COL28A1: variants seen among roughly 807,000 people sequenced by gnomAD.
COL28A1 encodes the protein collagen type XXVIII alpha 1 chain.
A neutral mutation model predicts 150.2 loss-of-function variants in COL28A1; 161 were observed. The observed-to-expected ratio is 1.07, with a 90% CI of 0.94 to 1.22. COL28A1 has a LOEUF of 1.22. COL28A1 is among the 50% of genes most tolerant of loss of function. The pLI is 0.00. For missense variants in COL28A1, 1,617 were observed against 1,388.3 expected, an observed-to-expected ratio of 1.16 and a Z score of -2.62; for synonymous variants, 552 against 469.7, an observed-to-expected ratio of 1.18 and a Z score of -2.26.
At chr7:7,477,247 G>C (rs1788971571) in intron 13 of COL28A1, 67 bp from the exon 14 acceptor site, 3 of 808,298 alleles carry the variant, frequency 3.7e-6, no homozygotes, top group Non-Finnish European at 6.5e-6. Flanking sequence ...TGATGAAAAA[G>C]AGGAAAGAGG....
At position 7,453,426 on chromosome 7, in the gene COL28A1, A is replaced by G. The variant is rs1786874714; in HGVS notation, c.1440+14T>C. ...TATAGATATATTAAACTCCGCTCTC[A>G]TTTACAAAGTTACCTTGGAACCAGG... On this transcript the variant is annotated intron_variant, in intron 17 of 34. Transcript: ENST00000399429. 4 of 1,081,660 alleles carry G rather than the reference A, an allele frequency of 3.7e-6. No individual in the cohort carries two copies. The highest frequency in any genetic ancestry group is 1.7e-5 in the Admixed American group (1 of 59,372). The allele number at this position is 1,081,660 out of a possible 1,614,324, so 67.0% of individuals were successfully genotyped here.
upstream of COL28A1, among the ~76,000 whole-genome samples, chr7:7,537,667 T>C (rs1782691732): frequency 2.0e-5 from 3 of 152,224 alleles, no homozygotes; most frequent in African/African-American, 2.4e-5. Flanking sequence ...GTGTTTTCAC[T>C]GTCTCCTCCT....
chr7:7,445,639 G>A (rs1196447792), intron 18 of COL28A1, among the ~76,000 whole-genome samples: 18 of 151,996 alleles, frequency 1.2e-4, no homozygotes, highest in African/African-American at 3.4e-4. Context: ...CCTTTAAAAT[G>A]TTCAGGAAAA....
At chr7:7,491,513 G>C (rs1265072399) in intron 11 of COL28A1, among the ~76,000 whole-genome samples, 1 of 152,212 alleles carries the variant, frequency 6.6e-6, no homozygotes, top group Non-Finnish European at 1.5e-5. Context: ...AACAGCAAGA[G>C]TTCTCATGAT....
At chr7:7,459,781 C>T (rs182785752) in intron 15 of COL28A1, among the ~76,000 whole-genome samples, 6 of 152,140 alleles carry the variant, frequency 3.9e-5, no homozygotes, top group South Asian at 4.1e-4. Flanking sequence ...GCAAGTAGGC[C>T]GTGGTGTCAA....
At chr7:7,380,250 G>A (rs960241184) in intron 30 of COL28A1, among the ~76,000 whole-genome samples, 3 of 152,100 alleles carry the variant, frequency 2.0e-5, no homozygotes, top group African/African-American at 4.8e-5. Context: ...TCAATTTTGT[G>A]ATTGCTGCTC....
At chr7:7,481,615 T>C (rs1436472676) in intron 13 of COL28A1, among the ~76,000 whole-genome samples, 1 of 151,776 alleles carries the variant, frequency 6.6e-6, no homozygotes, top group Non-Finnish European at 1.5e-5. Context: ...AATGAAGGAA[T>C]CTAATTATCA....
At chr7:7,528,731 C>A (rs1259690213) in intron 3 of COL28A1, among the ~76,000 whole-genome samples, 1 of 152,006 alleles carries the variant, frequency 6.6e-6, no homozygotes, top group Non-Finnish European at 1.5e-5. Context: ...AGCTCAGGAG[C>A]AAATGGGGTC....
At chr7:7,361,541 G>C (rs1475299235) in intron 33 of COL28A1, among the ~76,000 whole-genome samples, 1 of 152,118 alleles carries the variant, frequency 6.6e-6, no homozygotes, top group Non-Finnish European at 1.5e-5. Context: ...ATTCTAACTG[G>C]CATGAAATGG....
intron 12 of COL28A1, 73 bp from the exon 13 acceptor site, chr7:7,489,530 A>G: frequency 1.2e-6 from 1 of 842,748 alleles, no homozygotes; most frequent in South Asian, 1.4e-5. Context: ...AAGTTCTCTC[A>G]AGATTTCAAC....
At chr7:7,519,525 G>A (rs542301171) in intron 6 of COL28A1, among the ~76,000 whole-genome samples, 54 of 152,154 alleles carry the variant, frequency 3.5e-4, no homozygotes, top group African/African-American at 1.3e-3. Flanking sequence ...CTTGAACTTG[G>A]AACCAAAATC....
chr7:7,528,440 T>A (rs1782152087), intron 3 of COL28A1, among the ~76,000 whole-genome samples: 1 of 152,336 alleles, frequency 6.6e-6, no homozygotes, highest in Non-Finnish European at 1.5e-5. Flanking sequence ...GGTTCTTACA[T>A]GATAATTCCT....
chr7:7,535,084 T>C (rs912539680), intron 1 of COL28A1, among the ~76,000 whole-genome samples: 1 of 152,140 alleles, frequency 6.6e-6, no homozygotes. Flanking sequence ...CTTTCTGATG[T>C]CACGTACAAG....
chr7:7,513,856 CG>C (rs2115161999), intron 8 of COL28A1, among the ~76,000 whole-genome samples: 2 of 152,304 alleles, frequency 1.3e-5, no homozygotes, highest in East Asian at 3.9e-4. Flanking sequence ...TCTGCAAAGG[CG>C]TTTTCCTTTT....
chr7:7,436,461 TC>T lies in COL28A1; in HGVS notation c.1793del (p.Gly598GlufsTer86). 7.6e-7 allele frequency: 1 copy of T among 1,310,274 alleles called. No homozygotes were observed. 81.2% of individuals were successfully genotyped at this position (1,310,274 alleles called of 1,614,324 possible). On this transcript the variant is annotated frameshift_variant and splice_region_variant, in exon 23 of 35. Coordinates refer to ENST00000399429, the MANE Select transcript of COL28A1 (RefSeq NM_001037763.3). LOFTEE classifies it high-confidence loss of function. ...TSIPGPPGPK[G>X]DRGGPGIPGF... ...CAGGTATCCCAGGTCCTCCTCTATC[TC>T]CCTGTACATTTCAAATAACATTTCA...
Position 7,370,891 on chromosome 7 carries a change from AAAG to A in COL28A1, c.2909-12_2909-10del. 1.3e-6 allele frequency: 2 copies of A among 1,577,178 alleles called. No homozygotes were observed. Among genetic ancestry groups the A allele is most frequent in the Non-Finnish European group, 1.7e-6 (2 of 1,148,104 alleles). On this transcript the variant is annotated splice_polypyrimidine_tract_variant and intron_variant, in intron 32 of 34. Coordinates refer to ENST00000399429, the MANE Select transcript of COL28A1 (RefSeq NM_001037763.3). The stretch of plus-strand genomic sequence containing the variant: ...TTTTTGCTTCAGGGTGTCTTTTAAA[AAAG>A]AAGTAGAAAAGAGAGATAGTAGAAG...
chr7:7,464,113 C>T (rs1787858389), intron 15 of COL28A1, among the ~76,000 whole-genome samples: 2 of 152,172 alleles, frequency 1.3e-5, no homozygotes, highest in South Asian at 4.1e-4. Context: ...GAAAACATCA[C>T]AGTCCTAAAT....
At position 7,463,851 on chromosome 7, in the gene COL28A1, C is replaced by T. The variant is rs940583313; in HGVS notation, c.1303-7739G>A. Among the ~76,000 whole-genome samples, 8 of 152,162 alleles carry T rather than the reference C, an allele frequency of 5.3e-5. No homozygotes were observed. In the South Asian group the frequency reaches 8.3e-4, roughly 16 times the overall value. ...GAATGTAAATGGCCTAAATGGTTCA[C>T]TTAAAATACATAGAATTGCAGAATG... On this transcript the variant is annotated intron_variant, in intron 15 of 34. Transcript: ENST00000399429.
At chr7:7,497,215 G>C (rs1318573519) in intron 11 of COL28A1, among the ~76,000 whole-genome samples, 1 of 152,142 alleles carries the variant, frequency 6.6e-6, no homozygotes, top group Non-Finnish European at 1.5e-5. Context: ...GAAGTGTTGT[G>C]TTATAAAAGG....
Sources: allele counts gnomAD v4.1 joint callset (sites outside exome capture counted in the v4.1 genomes callset), GRCh38; gene constraint gnomAD v4.1.1; transcripts MANE v1.5; gene names NCBI Gene and HGNC (gene_info 2026-07-23, HGNC 2026-07-21).